The following EVC variants were observed in gnomAD, a reference collection of about 807,000 sequenced individuals.
EVC encodes evC complex member EVC.
EVC carries 116 observed loss-of-function variants against 118.9 expected under a neutral mutation model. The ratio of observed to expected loss-of-function variants is 0.98; its 90% CI spans 0.84 to 1.14. EVC has a LOEUF of 1.14. Among genes scored for constraint, EVC ranks in the 50% most tolerant of loss-of-function variants. EVC has a pLI of 0.00. For synonymous variants in EVC, 619 were observed against 534.7 expected (o/e 1.16, Z -2.18); for missense variants, 1,401 against 1,246.4 (o/e 1.12, Z -1.87).
In EVC at chr4:5,773,265, C is replaced by T. The variant is rs551250086; in HGVS notation, c.1564-10287C>T. ...TGCTGTGTAACAAGACACCGGGAAA[C>T]CCAGGGGCTGAAAACAACAGTGATT... On this transcript the variant is annotated intron_variant, in intron 11 of 20. Coordinates refer to ENST00000264956, the MANE Select transcript of EVC (RefSeq NM_153717.3). Among the ~76,000 whole-genome samples, 46 of 152,288 alleles carry T rather than the reference C, an allele frequency of 3.0e-4. 3 individuals are homozygous for T. Among genetic ancestry groups the T allele is most frequent in the African/African-American group, 1.0e-3 (42 of 41,528 alleles).
At chr4:5,720,074 C>G (rs1383179) in intron 2 of EVC, among the ~76,000 whole-genome samples, 1 of 152,044 alleles carries the variant, frequency 6.6e-6, no homozygotes, top group African/African-American at 2.4e-5. Context: ...TGGAACCCTT[C>G]CTCTATCCAC....
downstream of EVC, among the ~76,000 whole-genome samples, chr4:5,817,263 C>A (rs1457227133): frequency 6.6e-6 from 1 of 152,192 alleles, no homozygotes; most frequent in Non-Finnish European, 1.5e-5. Flanking sequence ...TGCACCGTGT[C>A]GGGGCTCTTG....
chr4:5,719,429 C>T lies in EVC; in HGVS notation c.300+56C>T. ...GGCACATGTGGGAGGTGGGGTATTC[C>T]CCCTGGAAGCCGGGTGTCATGTAGA... is the stretch of plus-strand genomic sequence containing the variant. On this transcript the variant is annotated intron_variant, in intron 2 of 20. Coordinates refer to ENST00000264956, the MANE Select transcript of EVC (RefSeq NM_153717.3). The surrounding 1 kb of genome is among the most constrained non-coding windows in gnomAD (Gnocchi z 4.7). The T allele has an allele frequency of 1.2e-6, 2 of 1,612,492 alleles. No homozygotes were observed. The highest frequency in any genetic ancestry group is 1.7e-6 in the Non-Finnish European group (2 of 1,179,534).
chr4:5,828,406 G>C, the EVC span: 1 of 1,532,928 alleles, frequency 6.5e-7, no homozygotes, highest in Non-Finnish European at 8.8e-7. Flanking sequence ...TATTAACTCT[G>C]CACACGTCAG....
chr4:5,758,298 G>A (rs977196505), intron 11 of EVC: 13 of 566,518 alleles, frequency 2.3e-5, no homozygotes, highest in Non-Finnish European at 3.4e-5. Context: ...AATAAACTTC[G>A]TTGTCTTAAT....
At chr4:5,805,830 G>A (rs2152378976) in intron 17 of EVC, among the ~76,000 whole-genome samples, 1 of 151,792 alleles carries the variant, frequency 6.6e-6, no homozygotes, top group Admixed American at 6.6e-5. Context: ...CAGCTTATAT[G>A]TGGCTGTTGA....
At position 5,804,750 on chromosome 4, in the gene EVC, A is replaced by C. The variant is rs994935575; in HGVS notation, c.2470A>C (p.Lys824Gln). The C allele has an allele frequency of 6.2e-7, 1 of 1,614,128 alleles. No individual in the cohort carries two copies. The highest frequency in any genetic ancestry group is 8.5e-7 in the Non-Finnish European group (1 of 1,180,010). The stretch of plus-strand genomic sequence containing the variant: ...TCTAGGTGAGAGGATGGAAAATTAC[A>C]AACTGCGGAAAAAGCAAGAACTCAG... ...TLQGERMENY[K>Q]LRKKQELSNP... Residue 824 changes from lysine to glutamine, a missense_variant, in exon 17 of 21, where the codon AAA (lysine) becomes CAA (glutamine). Physicochemically the swap from Lys to Gln is moderately conservative, Grantham distance 53. Coordinates refer to ENST00000264956, the MANE Select transcript of EVC (RefSeq NM_153717.3).
chr4:5,765,561 GACTT>G (rs1732733943), intron 11 of EVC, among the ~76,000 whole-genome samples: 1 of 116,558 alleles, frequency 8.6e-6, no homozygotes, highest in African/African-American at 3.3e-5. Context: ...GGTTACTCAG[GACTT>G]GCTTTATGAA....
chr4:5,797,042 A>G lies in EVC; in HGVS notation c.1907A>G (p.Gln636Arg), dbSNP rs757227773. ...CAAAGGTCCACGCGGTGTGTCCTGC[A>G]GGGGCATGACCTGCTGTTGCGCTCA... ...LTEESTRCVL[Q>R]GHDLLLRSAL... The change falls in exon 14 of 21, where the codon CAG becomes CGG. Residue 636 changes from glutamine to arginine, a missense_variant. By Grantham distance (43) the Gln-to-Arg change is conservative. Coordinates refer to ENST00000264956, the MANE Select transcript of EVC (RefSeq NM_153717.3). 5.1e-5 allele frequency: 83 copies of G among 1,613,080 alleles called. No individual in the cohort carries two copies. The Middle Eastern group carries it at 6.6e-4, about 13-fold the overall frequency.
At chr4:5,786,354 T>C (rs770966003) in intron 12 of EVC, among the ~76,000 whole-genome samples, 2 of 152,184 alleles carry the variant, frequency 1.3e-5, no homozygotes, top group East Asian at 1.9e-4. Context: ...TTTAGGCAAA[T>C]AGACTATGCT....
In EVC at chr4:5,750,111, G is replaced by A. The variant is rs951131225; in HGVS notation, c.1098+1805G>A. ...ATGGAAGATATTTTATTCACAGCACGCAGATAAGGAGCCCACTCAGTGATC... is the reference window on the plus strand; with the variant it reads ...ATGGAAGATATTTTATTCACAGCACACAGATAAGGAGCCCACTCAGTGATC... On this transcript the variant is annotated intron_variant, in intron 8 of 20. Coordinates refer to ENST00000264956, the MANE Select transcript of EVC (RefSeq NM_153717.3). Among the ~76,000 whole-genome samples the A allele has an allele frequency of 4.8e-4, 73 of 152,154 alleles. 1 individual carries two copies. Among genetic ancestry groups the A allele is most frequent in the Non-Finnish European group, 2.5e-4 (17 of 67,998 alleles).
chr4:5,789,764 C>G lies in EVC; in HGVS notation c.1777-3844C>G, dbSNP rs58780583. Among the ~76,000 whole-genome samples, 2,279 of 152,342 alleles carry G rather than the reference C, an allele frequency of 0.015. 60 individuals are homozygous for G. The highest frequency in any genetic ancestry group is 0.051 in the African/African-American group (2,110 of 41,568). On this transcript the variant is annotated intron_variant, in intron 12 of 20. Transcript: ENST00000264956. This position sits in a 1 kb window ranked among gnomAD's most constrained non-coding sequence, Gnocchi z 4.3. ...TTTATGTAACAGCTGCAGGCACCAT[C>G]TGGTCCAGAGATCTTGACCTTATCG...
At position 5,811,447 on chromosome 4, in the gene EVC, A is replaced by T; in HGVS notation, c.*410A>T. On this transcript the variant is annotated 3_prime_UTR_variant, in exon 21 of 21. Coordinates refer to ENST00000264956, the MANE Select transcript of EVC (RefSeq NM_153717.3). The stretch of plus-strand genomic sequence containing the variant: ...CACAGATACATAATGACACCTGCAG[A>T]AATGTATTCTCTGAGGACACTTAGA... 1 of 260,006 alleles carries T rather than the reference A, an allele frequency of 3.8e-6. No homozygotes were observed. Among genetic ancestry groups the T allele is most frequent in the Non-Finnish European group, 7.5e-6 (1 of 133,816 alleles). 16.1% of individuals were successfully genotyped at this position (260,006 alleles called of 1,614,324 possible). A position where few individuals can be genotyped will look rare whatever the true frequency, so the allele number is the denominator to read the frequency against.
chr4:5,788,640 G>A lies in EVC; in HGVS notation c.1776+4876G>A, dbSNP rs577052046. Among the ~76,000 whole-genome samples, 5 of 152,182 alleles carry A rather than the reference G, an allele frequency of 3.3e-5. No individual in the cohort carries two copies. In the East Asian group the frequency reaches 7.7e-4, roughly 24 times the overall value. On this transcript the variant is annotated intron_variant, in intron 12 of 20. Transcript: ENST00000264956. Reference sequence around the variant, plus strand: ...TCCTCTTTCTTTCACACCCTACATCGGTGGACAAGAAATCCCATTGATTTT... The same window carrying A: ...TCCTCTTTCTTTCACACCCTACATCAGTGGACAAGAAATCCCATTGATTTT...
At position 5,742,030 on chromosome 4, in the gene EVC, T is replaced by C. The variant is rs76877650; in HGVS notation, c.801+216T>C. 6.0e-3 allele frequency among the ~76,000 whole-genome samples: 918 copies of C among 152,102 alleles called. 11 individuals are homozygous for C. Among genetic ancestry groups the C allele is most frequent in the African/African-American group, 0.02 (849 of 41,476 alleles). ...ACTATTTATAGCAAAGAGAATAATA[T>C]TGGTCATATCTACTACTCAAAGACG... On this transcript the variant is annotated intron_variant, in intron 6 of 20. Coordinates refer to ENST00000264956, the MANE Select transcript of EVC (RefSeq NM_153717.3). This position sits in a 1 kb window ranked among gnomAD's most constrained non-coding sequence, Gnocchi z 5.2.
intron 11 of EVC, among the ~76,000 whole-genome samples, chr4:5,777,736 C>T (rs1355906177): frequency 6.6e-6 from 1 of 152,124 alleles, no homozygotes; most frequent in East Asian, 1.9e-4. Flanking sequence ...TCCATATGCC[C>T]TTGTCATGGT....
chr4:5,735,083 G>A (rs554114696), intron 5 of EVC, among the ~76,000 whole-genome samples: 1 of 152,342 alleles, frequency 6.6e-6, no homozygotes, highest in East Asian at 1.9e-4. Context: ...CAGGGGTGTG[G>A]CCTCTGCACA....
At chr4:5,748,097 T>C in intron 7 of EVC, 51 bp from the exon 8 acceptor site, 3 of 1,597,618 alleles carry the variant, frequency 1.9e-6, no homozygotes, top group Non-Finnish European at 2.6e-6. Context: ...CGTTTGGCTT[T>C]CTTAAGTAAG....
chr4:5,723,608 C>G (rs546808339), intron 2 of EVC, among the ~76,000 whole-genome samples: 1 of 152,054 alleles, frequency 6.6e-6, no homozygotes, highest in Non-Finnish European at 1.5e-5. Flanking sequence ...CTTTTCTCCC[C>G]TGTTTGTAGG....
Sources: allele counts gnomAD v4.1 joint callset (sites outside exome capture counted in the v4.1 genomes callset), GRCh38; gene constraint gnomAD v4.1.1; non-coding constraint Gnocchi (gnomAD v3.1); transcripts MANE v1.5; gene names NCBI Gene and HGNC (gene_info 2026-07-23, HGNC 2026-07-21).